ADAMTSL3: variants seen among roughly 807,000 people sequenced by gnomAD.
ADAMTSL3 encodes the protein ADAMTS like 3, also known as ADAMTS-like protein 3.
A neutral mutation model predicts 201.7 loss-of-function variants in ADAMTSL3; 128 were observed. The observed-to-expected ratio is 0.63, with a 90% CI of 0.55 to 0.73. The LOEUF is 0.73. Ranked by LOEUF, ADAMTSL3 falls within the 30% of genes least tolerant of loss-of-function variation. The pLI is 0.00. For synonymous variants in ADAMTSL3, 738 were observed against 748.4 expected (o/e 0.99, Z 0.23); for missense variants, 1,990 against 2,119.6 (o/e 0.94, Z 1.20).
chr15:83,952,467 G>A (rs771452192), intron 19 of ADAMTSL3, among the ~76,000 whole-genome samples: 2 of 152,146 alleles, frequency 1.3e-5, no homozygotes, highest in Admixed American at 6.5e-5. Context: ...TTGCCCTATA[G>A]TGTAGATTAA....
At chr15:83,805,385 C>A (rs1045097517) in intron 5 of ADAMTSL3, among the ~76,000 whole-genome samples, 18 of 152,026 alleles carry the variant, frequency 1.2e-4, no homozygotes, top group African/African-American at 4.3e-4. Flanking sequence ...TGGTGAAATC[C>A]CATCTCTACT....
At chr15:83,709,999 A>G (rs1275476620) in intron 3 of ADAMTSL3, among the ~76,000 whole-genome samples, 1 of 152,204 alleles carries the variant, frequency 6.6e-6, no homozygotes, top group African/African-American at 2.4e-5. Context: ...GGGTATTAAA[A>G]TAATGCTGAC....
At chr15:83,930,328 T>C (rs993323432) in intron 17 of ADAMTSL3, among the ~76,000 whole-genome samples, 2 of 152,224 alleles carry the variant, frequency 1.3e-5, no homozygotes, top group African/African-American at 4.8e-5. Context: ...ACCTGAGTAG[T>C]GTGACGTGCT....
chr15:83,757,836 T>C (rs1567124720), intron 3 of ADAMTSL3, among the ~76,000 whole-genome samples: 1 of 152,198 alleles, frequency 6.6e-6, no homozygotes, highest in Non-Finnish European at 1.5e-5. Context: ...ATCATCTCCC[T>C]CAAGTTCAAA....
At chr15:83,919,584 AGAG>A (rs1430069319) in intron 16 of ADAMTSL3, among the ~76,000 whole-genome samples, 1 of 152,158 alleles carries the variant, frequency 6.6e-6, no homozygotes, top group Non-Finnish European at 1.5e-5. Flanking sequence ...GGAGATGAAT[AGAG>A]GGGATTTTTT....
intron 6 of ADAMTSL3, chr15:83,824,911 C>A (rs1028611800): frequency 1.3e-5 from 2 of 152,112 alleles, no homozygotes; most frequent in South Asian, 4.1e-4. Flanking sequence ...GGCGCAGGGG[C>A]CATGCTAATC....
At chr15:83,919,336 CAA>C (rs1294732444) in intron 16 of ADAMTSL3, among the ~76,000 whole-genome samples, 1 of 151,938 alleles carries the variant, frequency 6.6e-6, no homozygotes, top group African/African-American at 2.4e-5. Context: ...CACTAAGCCG[CAA>C]AAGTCTATGA....
At chr15:83,984,523 C>A (rs1478377666) in intron 21 of ADAMTSL3, among the ~76,000 whole-genome samples, 1 of 152,128 alleles carries the variant, frequency 6.6e-6, no homozygotes, top group Non-Finnish European at 1.5e-5. Context: ...GTTCTCAGAG[C>A]TTTTGGTTTT....
chr15:83,657,929 C>T (rs1034951272), intron 2 of ADAMTSL3, among the ~76,000 whole-genome samples: 4 of 152,112 alleles, frequency 2.6e-5, no homozygotes, highest in African/African-American at 9.7e-5. Flanking sequence ...GACTCAAGGC[C>T]GCCCTTTCTG....
chr15:84,016,770 T>A (rs1005605175), intron 25 of ADAMTSL3, among the ~76,000 whole-genome samples: 1 of 152,240 alleles, frequency 6.6e-6, no homozygotes, highest in African/African-American at 2.4e-5. Context: ...GATATTGATT[T>A]CCAGTTTCAA....
chr15:83,929,715 G>A (rs112886908), intron 17 of ADAMTSL3, among the ~76,000 whole-genome samples: 6 of 150,260 alleles, frequency 4.0e-5, no homozygotes, highest in Non-Finnish European at 5.9e-5. Context: ...GAGACAGAGA[G>A]AGACAGAGAG....
chr15:84,031,579 C>A, intron 28 of ADAMTSL3, 147 bp downstream of exon 28: 2 of 661,698 alleles, frequency 3.0e-6, no homozygotes, highest in Non-Finnish European at 5.2e-6. Flanking sequence ...GTGTCATCTT[C>A]AATAGTATAT....
intron 19 of ADAMTSL3, among the ~76,000 whole-genome samples, chr15:83,958,431 A>C (rs1406911930): frequency 2.0e-5 from 3 of 152,238 alleles, no homozygotes; most frequent in Non-Finnish European, 4.4e-5. Context: ...TGGGGAGTCC[A>C]GAGATACAAA....
At chr15:83,990,786 G>T (rs1444821451) in intron 22 of ADAMTSL3, among the ~76,000 whole-genome samples, 2 of 151,960 alleles carry the variant, frequency 1.3e-5, no homozygotes, top group Non-Finnish European at 2.9e-5. Flanking sequence ...TATCAAAGAG[G>T]AATTTATCCT....
At chr15:83,979,097 G>A (rs2067339962) in intron 20 of ADAMTSL3, among the ~76,000 whole-genome samples, 2 of 152,210 alleles carry the variant, frequency 1.3e-5, no homozygotes, top group Non-Finnish European at 2.9e-5. Context: ...TTAGAATCAG[G>A]TCATCCCCAG....
chr15:83,658,472 A>G (rs1396029005), intron 2 of ADAMTSL3, among the ~76,000 whole-genome samples: 2 of 152,200 alleles, frequency 1.3e-5, no homozygotes, highest in African/African-American at 4.8e-5. Context: ...GCCCACAAAT[A>G]ATTGTGAGAG....
At chr15:83,774,493 A>C (rs1005254838) in intron 4 of ADAMTSL3, among the ~76,000 whole-genome samples, 1 of 152,234 alleles carries the variant, frequency 6.6e-6, no homozygotes, top group Non-Finnish European at 1.5e-5. Context: ...ATTGCAGAGC[A>C]GGGCAGATGA....
chr15:83,686,091 C>T (rs2061532523), intron 2 of ADAMTSL3, among the ~76,000 whole-genome samples: 1 of 152,188 alleles, frequency 6.6e-6, no homozygotes, highest in African/African-American at 2.4e-5. Context: ...TCTTTTACAA[C>T]CTGTCACAGA....
chr15:83,733,744 G>A (rs2062322498), intron 3 of ADAMTSL3, among the ~76,000 whole-genome samples: 1 of 152,108 alleles, frequency 6.6e-6, no homozygotes, highest in Admixed American at 6.6e-5. Context: ...ATCTCCTCTA[G>A]TTTGTTGACA....
Sources: allele counts gnomAD v4.1 joint callset (sites outside exome capture counted in the v4.1 genomes callset), GRCh38; gene constraint gnomAD v4.1.1; transcripts MANE v1.5; gene names NCBI Gene and HGNC (gene_info 2026-07-23, HGNC 2026-07-21).